Variants in PCSK9 observed in about 807,000 individuals in gnomAD.
The protein encoded by PCSK9 is convertase subtilisin/kexin type 9 preproprotein.
In PCSK9, 57 loss-of-function variants were observed where a neutral mutation model predicts 62.1. That is an observed-to-expected ratio of 0.92 (90% CI 0.74 to 1.14). PCSK9 has a LOEUF of 1.14. PCSK9 is among the 50% of genes most tolerant of loss of function. The probability of loss-of-function intolerance (pLI) is 0.00; values close to 1 mark genes in which losing one functional copy is unlikely to be tolerated. For synonymous variants in PCSK9, 387 were observed against 409.4 expected, an observed-to-expected ratio of 0.95 and a Z score of 0.66; for missense variants, 870 against 959.8, an observed-to-expected ratio of 0.91 and a Z score of 1.24.
At chr1:55,061,665 T>A in intron 11 of PCSK9, 109 bp downstream of exon 11, 1 of 1,403,398 alleles carries the variant, frequency 7.1e-7, no homozygotes, top group East Asian at 2.5e-5. Flanking sequence ...AGGGTGGCGG[T>A]TTGCCAGGTA....
chr1:55,063,653 C>T lies in PCSK9; in HGVS notation c.*69C>T, dbSNP rs1644779926. ...GGGCTGAGCTTTAAAATGGTTCCGACTTGTCCCTCTCTCAGCCCTCCATGG... is the reference window on the plus strand; with the variant it reads ...GGGCTGAGCTTTAAAATGGTTCCGATTTGTCCCTCTCTCAGCCCTCCATGG... On this transcript the variant is annotated 3_prime_UTR_variant, in exon 12 of 12. Coordinates refer to ENST00000302118, the MANE Select transcript of PCSK9 (RefSeq NM_174936.4). 1 of 1,501,358 alleles carries T rather than the reference C, an allele frequency of 6.7e-7. No individual in the cohort carries two copies. Among genetic ancestry groups the T allele is most frequent in the African/African-American group, 1.4e-5 (1 of 72,656 alleles). 93.0% of individuals were successfully genotyped at this position (1,501,358 alleles called of 1,614,324 possible). A position where few individuals can be genotyped will look rare whatever the true frequency, so the allele number is the denominator to read the frequency against.
chr1:55,059,905 G>A (rs1017995838), intron 10 of PCSK9, among the ~76,000 whole-genome samples: 2 of 152,226 alleles, frequency 1.3e-5, no homozygotes, highest in African/African-American at 4.8e-5. Context: ...GTGTTGCAAG[G>A]AGATGGGCAG....
At chr1:55,055,277 T>TG (rs1416943775) in intron 5 of PCSK9, among the ~76,000 whole-genome samples, 1 of 152,056 alleles carries the variant, frequency 6.6e-6, no homozygotes, top group African/African-American at 2.4e-5. Flanking sequence ...GTCCAACACT[T>TG]GCGGCCACGG....
At chr1:55,053,443 C>T (rs1485816569) in intron 5 of PCSK9, among the ~76,000 whole-genome samples, 3 of 152,252 alleles carry the variant, frequency 2.0e-5, no homozygotes, top group South Asian at 2.1e-4. Context: ...CTGGCCTTGC[C>T]GTAGCTGCTA....
Position 55,056,057 on chromosome 1 carries a change from C to A in PCSK9, c.864C>A (p.Pro288=). Residue 288 remains proline (P), a synonymous_variant, in exon 6 of 12, where the codon CCC becomes CCA. Coordinates refer to ENST00000302118, the MANE Select transcript of PCSK9 (RefSeq NM_174936.4). ...TGGGGCCACTGGTGGTGCTGCTGCCCCTGGCGGGTGGGTACAGCCGCGTCC... is the reference window on the plus strand; with the variant it reads ...TGGGGCCACTGGTGGTGCTGCTGCCACTGGCGGGTGGGTACAGCCGCGTCC... ...QPVGPLVVLL[P]LAGGYSRVLN... is the part of the protein sequence containing the mutation. 1 of 1,607,668 alleles carries A rather than the reference C, an allele frequency of 6.2e-7. No individual in the cohort carries two copies. Among genetic ancestry groups the A allele is most frequent in the South Asian group, 1.1e-5 (1 of 90,430 alleles).
In PCSK9 at chr1:55,040,011, C is replaced by T. The variant is rs762353000; in HGVS notation, c.174C>T (p.His58=). Residue 58 remains histidine, a synonymous_variant, in exon 1 of 12, where the codon CAC becomes CAT. Coordinates refer to ENST00000302118, the MANE Select transcript of PCSK9 (RefSeq NM_174936.4). This position sits in a 1 kb window ranked among gnomAD's most constrained non-coding sequence, Gnocchi z 4.1. The part of the protein sequence containing the change: ...EEDGLAEAPE[H]GTTATFHRCA... ...ACGGCCTGGCCGAAGCACCCGAGCACGGAACCACAGCCACCTTCCACCGCT... is the reference window on the plus strand; with the variant it reads ...ACGGCCTGGCCGAAGCACCCGAGCATGGAACCACAGCCACCTTCCACCGCT... 1.3e-6 allele frequency: 2 copies of T among 1,576,428 alleles called. No individual in the cohort carries two copies. Among genetic ancestry groups the T allele is most frequent in the Non-Finnish European group, 8.6e-7 (1 of 1,161,710 alleles).
chr1:55,055,803 C>T (rs1380472968), intron 5 of PCSK9, among the ~76,000 whole-genome samples, 190 bp from the exon 6 acceptor site: 1 of 152,210 alleles, frequency 6.6e-6, no homozygotes, highest in Non-Finnish European at 1.5e-5. Flanking sequence ...CTGCCTTACT[C>T]CGTCTTCTGA....
At position 55,040,604 on chromosome 1, in the gene PCSK9, A is replaced by T. The variant is rs1050228989; in HGVS notation, c.207+560A>T. 1.3e-5 allele frequency among the ~76,000 whole-genome samples: 2 copies of T among 152,178 alleles called. No homozygotes were observed. The highest frequency in any genetic ancestry group is 6.5e-5 in the Admixed American group (1 of 15,280). ...GCTGGGAGCACGAGGCAATTTCTTT[A>T]TGACACAGAACTCATGCTCTAGTAT... On this transcript the variant is annotated intron_variant, in intron 1 of 11. Coordinates refer to ENST00000302118, the MANE Select transcript of PCSK9 (RefSeq NM_174936.4). The surrounding 1 kb of genome is among the most constrained non-coding windows in gnomAD (Gnocchi z 4.1).
Position 55,039,879 on chromosome 1 carries a change from ACTGCTGCTG to A in PCSK9, c.57_65del (p.Leu21_Leu23del), listed in dbSNP as rs35574083. The A allele has an allele frequency of 1.9e-6, 3 of 1,557,824 alleles. No individual in the cohort carries two copies. The highest frequency in any genetic ancestry group is 2.4e-5 in the East Asian group (1 of 42,104). Reference sequence around the variant, plus strand: ...CCAGGCGGTCCTGGTGGCCGCTGCCACTGCTGCTGCTGCTGCTGCTGCTCCTGGGTCCCG... The same window carrying A: ...CCAGGCGGTCCTGGTGGCCGCTGCCACTGCTGCTGCTGCTCCTGGGTCCCG... On this transcript the variant is annotated inframe_deletion, in exon 1 of 12. Transcript: ENST00000302118.
rs1360829185 is a variant in PCSK9 at position 55,040,278 on chromosome 1, G to A, written c.207+234G>A. On this transcript the variant is annotated intron_variant, in intron 1 of 11. Transcript: ENST00000302118. The surrounding 1 kb of genome is among the most constrained non-coding windows in gnomAD (Gnocchi z 4.1). Reference sequence around the variant, plus strand: ...CGGCTCTTTGGGGACTTGCTGGGGCGTGCGGCTGCGCTATTCAGTGGGAAG... The same window carrying A: ...CGGCTCTTTGGGGACTTGCTGGGGCATGCGGCTGCGCTATTCAGTGGGAAG... 2.0e-5 allele frequency among the ~76,000 whole-genome samples: 3 copies of A among 152,194 alleles called. No individual in the cohort carries two copies. The highest frequency in any genetic ancestry group is 2.9e-5 in the Non-Finnish European group (2 of 68,028).
At chr1:55,042,719 T>C (rs757702374) in intron 1 of PCSK9, among the ~76,000 whole-genome samples, 1 of 152,186 alleles carries the variant, frequency 6.6e-6, no homozygotes, top group Non-Finnish European at 1.5e-5. Flanking sequence ...CTGAGAGCAG[T>C]TGGAGCAGAC....
At position 55,052,794 on chromosome 1, in the gene PCSK9, A is replaced by G. The variant is rs2495477; in HGVS notation, c.799+3A>G. 670,680 of 1,612,790 alleles carry G rather than the reference A, an allele frequency of 0.42. 144,840 individuals are homozygous for G. Among genetic ancestry groups the G allele is most frequent in the African/African-American group, 0.72 (54,028 of 75,002 alleles). On this transcript the variant is annotated splice_donor_region_variant and intron_variant, in intron 5 of 11. Transcript: ENST00000302118. Reference sequence around the variant, plus strand: ...CACGGTTAGCGGCACCCTCATAGGTAAGTGATGGCCCCAGACGCTGGTCTC... The same window carrying G: ...CACGGTTAGCGGCACCCTCATAGGTGAGTGATGGCCCCAGACGCTGGTCTC...
In PCSK9 at chr1:55,056,165, C is replaced by T; in HGVS notation, c.972C>T (p.Leu324=). 1 of 1,511,784 alleles carries T rather than the reference C, an allele frequency of 6.6e-7. No homozygotes were observed. The highest frequency in any genetic ancestry group is 8.9e-7 in the Non-Finnish European group (1 of 1,119,530). 93.6% of individuals were successfully genotyped at this position (1,511,784 alleles called of 1,614,324 possible). A position where few individuals can be genotyped will look rare whatever the true frequency, so the allele number is the denominator to read the frequency against. The change falls in exon 6 of 12, where the codon CTC becomes CTT. Residue 324 remains leucine (L), a synonymous_variant. Coordinates refer to ENST00000302118, the MANE Select transcript of PCSK9 (RefSeq NM_174936.4). ...AAGNFRDDAC[L]YSPASAPEVI... is the part of the protein sequence containing the mutation. ...GCAACTTCCGGGACGATGCCTGCCT[C>T]TACTCCCCAGCCTCAGCTCCCGAGG...
rs541766358 is a variant in PCSK9, at chr1:55,040,914, C to A, written c.207+870C>A. On this transcript the variant is annotated intron_variant, in intron 1 of 11. Transcript: ENST00000302118. The surrounding 1 kb of genome is among the most constrained non-coding windows in gnomAD (Gnocchi z 4.1). ...CTTCTTCCCGGGGCGAGACCACTAGCTTTTTCTAAGTATTACCAGCCCAGG... is the reference window on the plus strand; with the variant it reads ...CTTCTTCCCGGGGCGAGACCACTAGATTTTTCTAAGTATTACCAGCCCAGG... Among the ~76,000 whole-genome samples, 8 of 152,342 alleles carry A rather than the reference C, an allele frequency of 5.3e-5. No homozygotes were observed. The highest frequency in any genetic ancestry group is 1.7e-4 in the African/African-American group (7 of 41,578).
Position 55,040,395 on chromosome 1 carries a change from G to A in PCSK9, c.207+351G>A, listed in dbSNP as rs1024827585. Among the ~76,000 whole-genome samples the A allele has an allele frequency of 6.6e-6, 1 of 152,224 alleles. No homozygotes were observed. Among genetic ancestry groups the A allele is most frequent in the Non-Finnish European group, 1.5e-5 (1 of 68,046 alleles). ...CAGATTTCCCAGTTTCTGCCTCGCC[G>A]CGGCACAGGTGGGTGAAGGAGTGAA... On this transcript the variant is annotated intron_variant, in intron 1 of 11. Coordinates refer to ENST00000302118, the MANE Select transcript of PCSK9 (RefSeq NM_174936.4). This position sits in a 1 kb window ranked among gnomAD's most constrained non-coding sequence, Gnocchi z 4.1.
intron 1 of PCSK9, among the ~76,000 whole-genome samples, chr1:55,043,076 A>C (rs1166374399): frequency 6.6e-6 from 1 of 152,248 alleles, no homozygotes; most frequent in Non-Finnish European, 1.5e-5. Flanking sequence ...CACCAGAAGC[A>C]GATGCTGGTG....
In PCSK9 at chr1:55,052,731, A is replaced by ATGCGCAGCC. The variant is rs757777851; in HGVS notation, c.745_753dup (p.Ser249_Arg251dup). On this transcript the variant is annotated inframe_insertion, in exon 5 of 12. Coordinates refer to ENST00000302118, the MANE Select transcript of PCSK9 (RefSeq NM_174936.4). ...TGCCGGCGTGGCCAAGGGTGCCAGC[A>ATGCGCAGCC]TGCGCAGCCTGCGCGTGCTCAACTG... 2 of 1,613,196 alleles carry ATGCGCAGCC rather than the reference A, an allele frequency of 1.2e-6. No individual in the cohort carries two copies. The highest frequency in any genetic ancestry group is 1.7e-6 in the Non-Finnish European group (2 of 1,180,018).
At chr1:55,050,307 C>A (rs1557502449) in intron 3 of PCSK9, among the ~76,000 whole-genome samples, 1 of 152,232 alleles carries the variant, frequency 6.6e-6, no homozygotes, top group South Asian at 2.1e-4. Flanking sequence ...CTTGTGTCTG[C>A]CCCTTCGACA....
chr1:55,045,252 G>A (rs1281185493), intron 2 of PCSK9, among the ~76,000 whole-genome samples: 1 of 152,132 alleles, frequency 6.6e-6, no homozygotes, highest in African/African-American at 2.4e-5. Context: ...GCAGGCATTT[G>A]CCATCGAGAG....
Sources: gnomAD v4.1 joint callset for allele counts (sites outside exome capture counted in the v4.1 genomes callset) on GRCh38, gnomAD v4.1.1 for gene constraint, Gnocchi (gnomAD v3.1) non-coding constraint, MANE v1.5 for transcripts, NCBI Gene and HGNC (gene_info 2026-07-23, HGNC 2026-07-21) for gene names.